GXYLT1: variants seen among roughly 807,000 people sequenced by gnomAD.
GXYLT1 encodes glycosyltransferase 8 domain containing 3.
In GXYLT1, 29 loss-of-function variants were observed where a neutral mutation model predicts 54.0. The ratio of observed to expected loss-of-function variants is 0.54; its 90% CI spans 0.40 to 0.73. The LOEUF (loss-of-function observed/expected upper bound fraction) is 0.73, where lower values mean the gene tolerates loss of function less well. Among genes scored for constraint, GXYLT1 ranks in the 30% least tolerant of loss-of-function variants. The probability of loss-of-function intolerance (pLI) is 0.00; values close to 1 mark genes in which losing one functional copy is unlikely to be tolerated. For synonymous variants in GXYLT1, 176 were observed against 204.1 expected (o/e 0.86, Z 1.17); for missense variants, 490 against 553.4 (o/e 0.89, Z 1.15).
At position 42,144,607 on chromosome 12, in the gene GXYLT1, A is replaced by G; in HGVS notation, c.40T>C (p.Cys14Arg). ...GCGTAAAGGAGCGAGCAGAAGCCGC[A>G]GGCCACACACAGCACCACGACGCGC... The part of the protein sequence containing the change: ...YLRVVVLCVA[C>R]GFCSLLYAFS... Residue 14 changes from cysteine (C) to arginine (R), a missense_variant, in exon 1 of 8, where the codon TGC (cysteine) becomes CGC (arginine). Cys to Arg is a radical substitution (Grantham distance 180, BLOSUM62 -3). This residue lies in a region of GXYLT1 where 148 missense variants were observed against 210.7 expected (regional missense o/e 0.70). Coordinates refer to ENST00000398675, the MANE Select transcript of GXYLT1 (RefSeq NM_173601.2). 6.8e-7 allele frequency: 1 copy of G among 1,477,032 alleles called. No homozygotes were observed. The highest frequency in any genetic ancestry group is 9.0e-7 in the Non-Finnish European group (1 of 1,111,244). The allele number at this position is 1,477,032 out of a possible 1,614,324, so 91.5% of individuals were successfully genotyped here. A position where few individuals can be genotyped will look rare whatever the true frequency, so the allele number is the denominator to read the frequency against.
chr12:42,095,454 A>T (rs1156759401), intron 7 of GXYLT1, among the ~76,000 whole-genome samples: 1 of 152,214 alleles, frequency 6.6e-6, no homozygotes, highest in Non-Finnish European at 1.5e-5. Context: ...ACTGAGGAAA[A>T]TATCTCCAGA....
intron 1 of GXYLT1, 37 bp downstream of exon 1, chr12:42,144,389 C>T: frequency 7.6e-7 from 1 of 1,318,072 alleles, no homozygotes; most frequent in Non-Finnish European, 9.8e-7. Context: ...CAGCGCCCCG[C>T]GCCCGCCGCG....
In GXYLT1 at chr12:42,086,809, G is replaced by C. The variant is rs1304234525; in HGVS notation, c.*977C>G. On this transcript the variant is annotated 3_prime_UTR_variant, in exon 8 of 8. Coordinates refer to ENST00000398675, the MANE Select transcript of GXYLT1 (RefSeq NM_173601.2). ...AAAGTATCTTGCAAGGCCGTTATGA[G>C]GTAGAAGACAAGTTTAAATGGACCA... 6.6e-6 allele frequency: 1 copy of C among 152,054 alleles called. No individual in the cohort carries two copies. Among genetic ancestry groups the C allele is most frequent in the Non-Finnish European group, 1.5e-5 (1 of 68,010 alleles). The allele number at this position is 152,054 out of a possible 1,614,324, so 9.4% of individuals were successfully genotyped here.
At chr12:42,114,297 A>G (rs1442129087) in intron 3 of GXYLT1, among the ~76,000 whole-genome samples, 2 of 152,234 alleles carry the variant, frequency 1.3e-5, no homozygotes, top group African/African-American at 4.8e-5. Flanking sequence ...AACTGAAGGA[A>G]ACAGAGACAC....
At chr12:42,132,239 A>C (rs2065597392) in intron 1 of GXYLT1, among the ~76,000 whole-genome samples, 1 of 152,178 alleles carries the variant, frequency 6.6e-6, no homozygotes, top group African/African-American at 2.4e-5. Context: ...CTCCCCAGAG[A>C]AGTGGCCTAA....
Position 42,106,076 on chromosome 12 carries a change from GGA to G in GXYLT1, c.613-9_613-8del. On this transcript the variant is annotated splice_region_variant and splice_polypyrimidine_tract_variant and intron_variant, in intron 4 of 7. Coordinates refer to ENST00000398675, the MANE Select transcript of GXYLT1 (RefSeq NM_173601.2). ...CAACTTCTTTCAGGATTAACTACAA[GGA>G]GAGATATTTGAATGATTAACTATAA... 1 of 1,586,602 alleles carries G rather than the reference GGA, an allele frequency of 6.3e-7. No homozygotes were observed. The highest frequency in any genetic ancestry group is 8.6e-7 in the Non-Finnish European group (1 of 1,158,800).
chr12:42,109,895 C>T (rs1418160965), intron 3 of GXYLT1, among the ~76,000 whole-genome samples: 1 of 152,114 alleles, frequency 6.6e-6, no homozygotes, highest in Non-Finnish European at 1.5e-5. Flanking sequence ...CCCAGACTTC[C>T]CCATTAAGAT....
intron 3 of GXYLT1, among the ~76,000 whole-genome samples, chr12:42,113,254 A>G (rs930183067): frequency 3.3e-5 from 5 of 151,212 alleles, no homozygotes; most frequent in Non-Finnish European, 2.9e-5. Context: ...TAACATCGTA[A>G]TGACAGGATC....
intron 1 of GXYLT1, among the ~76,000 whole-genome samples, chr12:42,135,737 A>G (rs926661415): frequency 2.0e-5 from 3 of 152,236 alleles, no homozygotes; most frequent in Non-Finnish European, 4.4e-5. Context: ...CCTTTATGTA[A>G]AATGCCCCAA....
chr12:42,098,306 T>C (rs2065368858), intron 5 of GXYLT1, among the ~76,000 whole-genome samples: 1 of 152,140 alleles, frequency 6.6e-6, no homozygotes, highest in Non-Finnish European at 1.5e-5. Flanking sequence ...AAAATGAAGA[T>C]AGTTTTGGTA....
intron 3 of GXYLT1, among the ~76,000 whole-genome samples, chr12:42,114,615 C>A (rs2065481446): frequency 6.6e-6 from 1 of 152,086 alleles, no homozygotes; most frequent in South Asian, 2.1e-4. Flanking sequence ...CAACAACAGG[C>A]TCTGAAATTG....
chr12:42,106,737 A>C (rs932336203), intron 4 of GXYLT1, among the ~76,000 whole-genome samples: 1 of 130,506 alleles, frequency 7.7e-6, no homozygotes, highest in African/African-American at 2.9e-5. Flanking sequence ...AATTATTATT[A>C]TTTTTCTTTT....
At chr12:42,136,772 A>ATACATACATACG (rs2065621914) in intron 1 of GXYLT1, among the ~76,000 whole-genome samples, 1 of 151,820 alleles carries the variant, frequency 6.6e-6, no homozygotes, top group Non-Finnish European at 1.5e-5. Flanking sequence ...ACATACATAC[A>ATACATACATACG]TACATACATA....
intron 1 of GXYLT1, among the ~76,000 whole-genome samples, chr12:42,136,584 AC>A (rs1229156028): frequency 6.6e-6 from 1 of 152,222 alleles, no homozygotes; most frequent in Non-Finnish European, 1.5e-5. Context: ...CTTGTCTACA[AC>A]TGACCAAGGG....
intron 3 of GXYLT1, among the ~76,000 whole-genome samples, chr12:42,116,202 T>A (rs2065493711): frequency 2.6e-5 from 4 of 151,884 alleles, no homozygotes; most frequent in Admixed American, 2.6e-4. Context: ...GGCAATACCA[T>A]TCAGGACATA....
intron 1 of GXYLT1, among the ~76,000 whole-genome samples, chr12:42,138,657 G>A (rs2065634949): frequency 6.6e-6 from 1 of 152,164 alleles, no homozygotes; most frequent in African/African-American, 2.4e-5. Flanking sequence ...CACACATTAT[G>A]AACAAAATTT....
intron 3 of GXYLT1, among the ~76,000 whole-genome samples, chr12:42,118,051 C>G (rs2065507601): frequency 6.6e-6 from 1 of 152,088 alleles, no homozygotes; most frequent in Non-Finnish European, 1.5e-5. Flanking sequence ...TAAGACGAAG[C>G]CAGAGTATCT....
intron 1 of GXYLT1, among the ~76,000 whole-genome samples, chr12:42,136,793 A>AACACACAC (rs377361107): frequency 2.5e-5 from 1 of 40,612 alleles, no homozygotes; most frequent in African/African-American, 5.2e-5. Context: ...CATACAAACA[A>AACACACAC]ACACACACAC....
At chr12:42,114,890 T>C (rs1404058506) in intron 3 of GXYLT1, among the ~76,000 whole-genome samples, 1 of 152,076 alleles carries the variant, frequency 6.6e-6, no homozygotes, top group Non-Finnish European at 1.5e-5. Flanking sequence ...AATAAAATAC[T>C]GGCAAACCGA....
Sources: allele counts gnomAD v4.1 joint callset (sites outside exome capture counted in the v4.1 genomes callset), GRCh38; gene constraint gnomAD v4.1.1; regional missense constraint gnomAD v4.1.1; transcripts MANE v1.5; gene names NCBI Gene and HGNC (gene_info 2026-07-23, HGNC 2026-07-21).